The following CFAP91 variants were observed in gnomAD, a reference collection of about 807,000 sequenced individuals.
The protein encoded by CFAP91 is cilia and flagella associated protein 91, also known as cilia- and flagella-associated protein 91.
A neutral mutation model predicts 95.9 loss-of-function variants in CFAP91; 85 were observed. The observed-to-expected ratio is 0.89, with a 90% CI of 0.74 to 1.06. The LOEUF (loss-of-function observed/expected upper bound fraction) is 1.06. CFAP91 is among the 50% of genes least tolerant of loss of function. CFAP91 has a pLI of 0.00. For missense variants in CFAP91, 962 were observed against 943.4 expected (o/e 1.02, Z -0.26); for synonymous variants, 335 against 327.5 (o/e 1.02, Z -0.25).
chr3:119,715,311 T>C lies in CFAP91; in HGVS notation c.501-251T>C, dbSNP rs557934904. On this transcript the variant is annotated intron_variant, in intron 5 of 17. Coordinates refer to ENST00000273390, the MANE Select transcript of CFAP91 (RefSeq NM_033364.4). Reference sequence around the variant, plus strand: ...CCTTGCCCAGTGACACACATATAAATAGGCACTTCTGTGGGTCAACCATGG... The same window carrying C: ...CCTTGCCCAGTGACACACATATAAACAGGCACTTCTGTGGGTCAACCATGG... 2.5e-5 allele frequency: 15 copies of C among 603,520 alleles called. No homozygotes were observed. In the African/African-American group the frequency reaches 2.6e-4, roughly 10 times the overall value. The allele number at this position is 603,520 out of a possible 1,614,324, so 37.4% of individuals were successfully genotyped here.
intron 2 of CFAP91, 197 bp downstream of exon 2, chr3:119,707,082 A>G (rs1198025443): frequency 1.8e-6 from 1 of 570,390 alleles, no homozygotes; most frequent in Non-Finnish European, 3.1e-6. Flanking sequence ...CCAATAATGA[A>G]CAGAGAACCC....
intron 17 of CFAP91, among the ~76,000 whole-genome samples, chr3:119,755,023 A>C (rs898992745): frequency 1.3e-5 from 2 of 152,172 alleles, no homozygotes; most frequent in African/African-American, 4.8e-5. Flanking sequence ...TTTTGGAAGG[A>C]AATATGTCTC....
chr3:119,718,622 A>C (rs1466254967), intron 6 of CFAP91, among the ~76,000 whole-genome samples: 8 of 152,126 alleles, frequency 5.3e-5, no homozygotes, highest in Non-Finnish European at 1.2e-4. Flanking sequence ...AGAAAGAAAA[A>C]GTGAAAAAAC....
At position 119,729,233 on chromosome 3, in the gene CFAP91, C is replaced by T. The variant is rs184607096; in HGVS notation, c.861-987C>T. On this transcript the variant is annotated intron_variant, in intron 7 of 17. Coordinates refer to ENST00000273390, the MANE Select transcript of CFAP91 (RefSeq NM_033364.4). Reference sequence around the variant, plus strand: ...ATTGCCGAGGAGAGATCCTTAGCAGCGGGAAGAAGGTGTAAGAGGGTCAGA... The same window carrying T: ...ATTGCCGAGGAGAGATCCTTAGCAGTGGGAAGAAGGTGTAAGAGGGTCAGA... Among the ~76,000 whole-genome samples the T allele has an allele frequency of 1.5e-4, 23 of 152,028 alleles. 1 individual carries two copies. The East Asian group carries it at 4.3e-3, about 28-fold the overall frequency.
intron 16 of CFAP91, among the ~76,000 whole-genome samples, chr3:119,748,187 T>G (rs1481296024): frequency 3.9e-5 from 6 of 152,214 alleles, no homozygotes; most frequent in Non-Finnish European, 8.8e-5. Context: ...ATTTTTTTAT[T>G]TATTTTTTTA....
intron 6 of CFAP91, among the ~76,000 whole-genome samples, chr3:119,716,425 T>G (rs187660479): frequency 1.9e-3 from 291 of 152,346 alleles, no homozygotes; most frequent in Non-Finnish European, 3.4e-3. Context: ...TAGAGATAGT[T>G]GGTTCATGGT....
At chr3:119,715,342 T>C (rs1383247281) in intron 5 of CFAP91, 1 of 674,070 alleles carries the variant, frequency 1.5e-6, no homozygotes, top group Admixed American at 2.1e-5. Flanking sequence ...CATGGTACTT[T>C]GACCCACTTA....
intron 8 of CFAP91, among the ~76,000 whole-genome samples, chr3:119,732,003 C>A (rs577981877): frequency 1.3e-5 from 2 of 152,294 alleles, no homozygotes; most frequent in East Asian, 3.9e-4. Flanking sequence ...TTACTGAATA[C>A]CTCTTCTTGG....
At chr3:119,717,054 G>A (rs116039481) in intron 6 of CFAP91, among the ~76,000 whole-genome samples, 1 of 152,190 alleles carries the variant, frequency 6.6e-6, no homozygotes, top group Non-Finnish European at 1.5e-5. Flanking sequence ...TCGTAATGTA[G>A]AAATGGAGAC....
rs900764957 is a variant in CFAP91 at position 119,765,252 on chromosome 3, T to C, written c.*202T>C. Reference sequence around the variant, plus strand: ...AATGAAAAAGCTTCATTCTCTTCAGTGTCTTCTAGATGCCCTACTTAAAGA... The same window carrying C: ...AATGAAAAAGCTTCATTCTCTTCAGCGTCTTCTAGATGCCCTACTTAAAGA... On this transcript the variant is annotated 3_prime_UTR_variant, in exon 18 of 18. Coordinates refer to ENST00000273390, the MANE Select transcript of CFAP91 (RefSeq NM_033364.4). 1 of 152,210 alleles carries C rather than the reference T, an allele frequency of 6.6e-6. No individual in the cohort carries two copies. Among genetic ancestry groups the C allele is most frequent in the African/African-American group, 2.4e-5 (1 of 41,454 alleles). The allele number at this position is 152,210 out of a possible 1,614,324, so 9.4% of individuals were successfully genotyped here.
intron 1 of CFAP91, among the ~76,000 whole-genome samples, chr3:119,703,774 TTA>T (rs2053306608): frequency 6.6e-6 from 1 of 152,204 alleles, no homozygotes; most frequent in African/African-American, 2.4e-5. Context: ...GTTGTCCATT[TTA>T]TGTTTTCTCT....
chr3:119,726,482 AT>A, intron 7 of CFAP91, 134 bp downstream of exon 7: 1 of 807,938 alleles, frequency 1.2e-6, no homozygotes. Flanking sequence ...GAAATTGGGC[AT>A]CCGGTTCTTT....
intron 17 of CFAP91, among the ~76,000 whole-genome samples, chr3:119,757,213 T>C (rs1432247390): frequency 2.0e-5 from 3 of 152,162 alleles, no homozygotes; most frequent in African/African-American, 7.2e-5. Context: ...TTAAATATAC[T>C]TAATAGCACG....
intron 8 of CFAP91, among the ~76,000 whole-genome samples, chr3:119,731,690 A>G (rs915564782): frequency 6.6e-6 from 1 of 152,174 alleles, no homozygotes; most frequent in African/African-American, 2.4e-5. Flanking sequence ...GAAAACGCAC[A>G]ATGCAGAGCC....
intron 17 of CFAP91, among the ~76,000 whole-genome samples, chr3:119,763,243 G>C (rs13318819): frequency 6.6e-6 from 1 of 151,936 alleles, no homozygotes; most frequent in Admixed American, 6.6e-5. Context: ...CTAATCGTTC[G>C]AGAAATGCAA....
chr3:119,706,825 G>C lies in CFAP91; in HGVS notation c.141G>C (p.Val47=), dbSNP rs747905379. ...YDFLYDPLFI[V]SSEKDHTQAN... ...ATTTTGCAGATCCATTGTTTATTGT[G>C]TCAAGTGAGAAAGACCATACACAGG... Residue 47 remains valine (V), a synonymous_variant, in exon 2 of 18, where the codon GTG becomes GTC. Coordinates refer to ENST00000273390, the MANE Select transcript of CFAP91 (RefSeq NM_033364.4). 6.2e-7 allele frequency: 1 copy of C among 1,613,236 alleles called. No homozygotes were observed. The highest frequency in any genetic ancestry group is 1.1e-5 in the South Asian group (1 of 91,050).
At chr3:119,733,584 A>G in intron 10 of CFAP91, 78 bp downstream of exon 10, 1 of 1,468,470 alleles carries the variant, frequency 6.8e-7, no homozygotes, top group Non-Finnish European at 9.4e-7. Context: ...AAATTGCAGC[A>G]ATGTCCAGTG....
chr3:119,750,970 C>T lies in CFAP91; in HGVS notation c.2177C>T (p.Ala726Val), dbSNP rs745326585. 1.7e-5 allele frequency: 28 copies of T among 1,613,934 alleles called. No homozygotes were observed. The highest frequency in any genetic ancestry group is 2.2e-5 in the Non-Finnish European group (26 of 1,179,890). The change falls in exon 17 of 18, where the codon GCC becomes GTC. Residue 726 changes from alanine (A) to valine (V), a missense_variant. Transcript: ENST00000273390. ...GCACAGCGGAAACATATTCTTGCAG[C>T]CCATCAGATCATCCACAGTTACACG... Reference protein sequence around the residue: ...RNAQRKHILAAHQIIHSYTES... With the variant: ...RNAQRKHILAVHQIIHSYTES...
At chr3:119,713,414 C>T (rs552207512) in intron 5 of CFAP91, among the ~76,000 whole-genome samples, 9 of 146,352 alleles carry the variant, frequency 6.1e-5, no homozygotes, top group South Asian at 2.2e-4. Flanking sequence ...CACTGTACCT[C>T]GCCCTTTTTT....
Sources: allele counts gnomAD v4.1 joint callset (sites outside exome capture counted in the v4.1 genomes callset), GRCh38; gene constraint gnomAD v4.1.1; transcripts MANE v1.5; gene names NCBI Gene and HGNC (gene_info 2026-07-23, HGNC 2026-07-21).